Variants in MTMR1 observed in about 807,000 individuals in gnomAD.
MTMR1 encodes phosphatidylinositol-3-phosphate phosphatase MTMR1.
A neutral mutation model predicts 51.6 loss-of-function variants in MTMR1; 17 were observed. The observed-to-expected ratio is 0.33, with a 90% CI of 0.23 to 0.49. The LOEUF is 0.49. MTMR1 is among the 20% of genes least tolerant of loss of function. MTMR1 has a pLI of 0.99. For synonymous variants in MTMR1, 201 were observed against 205.6 expected, an observed-to-expected ratio of 0.98 and a Z score of 0.19; for missense variants, 386 against 526.9, an observed-to-expected ratio of 0.73 and a Z score of 2.62.
At chrX:150,742,816 C>CAAAAAAAAAAAA (rs1159891625) in intron 12 of MTMR1, among the ~76,000 whole-genome samples, 4 of 21,617 alleles carry the variant, frequency 1.9e-4, no homozygotes, top group Non-Finnish European at 3.4e-4. Context: ...GACTCCATCT[C>CAAAAAAAAAAAA]AAAAAAAAAA....
chrX:150,721,635 A>G (rs186624050), intron 4 of MTMR1, among the ~76,000 whole-genome samples: 1 of 111,440 alleles, frequency 9.0e-6, no homozygotes, highest in East Asian at 2.8e-4. Flanking sequence ...CATTTCTGAT[A>G]TTATTAATGT....
At chrX:150,723,896 C>A (rs1265823733) in intron 4 of MTMR1, among the ~76,000 whole-genome samples, 2 of 111,879 alleles carry the variant, frequency 1.8e-5, no homozygotes, top group Non-Finnish European at 3.8e-5. Flanking sequence ...ATCCATGTTC[C>A]TGCAGAGGAC....
intron 14 of MTMR1, among the ~76,000 whole-genome samples, chrX:150,751,491 C>T (rs782597664): frequency 3.6e-5 from 4 of 111,193 alleles, no homozygotes; most frequent in Admixed American, 9.5e-5. Context: ...CAGTAACGCC[C>T]GCCTCCCCCT....
intron 13 of MTMR1, among the ~76,000 whole-genome samples, chrX:150,748,037 C>G (rs1278054984): frequency 1.8e-5 from 2 of 111,690 alleles, no homozygotes; most frequent in Admixed American, 9.5e-5. Context: ...GGGCTTGCTT[C>G]CTGGTTCATA....
intron 14 of MTMR1, 23 bp from the exon 15 acceptor site, chrX:150,755,666 C>T (rs1557417721): frequency 1.8e-6 from 2 of 1,109,105 alleles, no homozygotes; most frequent in Non-Finnish European, 1.2e-6. Context: ...AGTTTATTTC[C>T]AATGTTCTTT....
Position 150,727,795 on chromosome X carries a change from T to C in MTMR1, c.555+4T>C, listed in dbSNP as rs782593528. On this transcript the variant is annotated splice_donor_region_variant and intron_variant, in intron 6 of 15. Coordinates refer to ENST00000445323, the MANE Select transcript of MTMR1 (RefSeq NM_001306144.3). ...TGGTATAGAGATAGTGTGCAAGGTATAATAGAAACGCCAAGTGAAAACTAA... is the reference window on the plus strand; with the variant it reads ...TGGTATAGAGATAGTGTGCAAGGTACAATAGAAACGCCAAGTGAAAACTAA... The C allele has an allele frequency of 8.5e-7, 1 of 1,177,208 alleles. No homozygotes were observed.
At chrX:150,742,172 G>C (rs1050064243) in intron 12 of MTMR1, among the ~76,000 whole-genome samples, 1 of 111,959 alleles carries the variant, frequency 8.9e-6, no homozygotes, top group Admixed American at 9.4e-5. Flanking sequence ...TAATTGTGTG[G>C]ACATCATAGA....
chrX:150,734,444 CAGTG>C (rs1169874012), intron 10 of MTMR1, among the ~76,000 whole-genome samples: 3 of 112,768 alleles, frequency 2.7e-5, no homozygotes, highest in Non-Finnish European at 5.6e-5. Flanking sequence ...AGGCATCCCT[CAGTG>C]AGGCCCCCTT....
intron 15 of MTMR1, among the ~76,000 whole-genome samples, chrX:150,760,309 A>AGAGGG (rs1266781942): frequency 3.2e-5 from 3 of 92,809 alleles, no homozygotes; most frequent in Non-Finnish European, 7.0e-5. Context: ...AAGGAGGAAG[A>AGAGGG]GAGGGGAGGG....
Position 150,730,141 on chromosome X carries a change from G to A in MTMR1, c.588G>A (p.Gln196=), listed in dbSNP as rs782204595. 5.0e-6 allele frequency: 6 copies of A among 1,202,485 alleles called. No homozygotes were observed. The highest frequency in any genetic ancestry group is 6.7e-6 in the Non-Finnish European group (6 of 892,012). Residue 196 remains glutamine (Q), a synonymous_variant, in exon 7 of 16, where the codon CAG becomes CAA. Coordinates refer to ENST00000445323, the MANE Select transcript of MTMR1 (RefSeq NM_001306144.3). ...GGAACTTGCGGCTTGCTTATAAACA[G>A]GAAGAACAGAGTAAACTAGGGATAT... is the stretch of plus-strand genomic sequence containing the variant. ...DMRNLRLAYK[Q]EEQSKLGIFE... is the part of the protein sequence containing the mutation.
intron 12 of MTMR1, among the ~76,000 whole-genome samples, chrX:150,743,836 ACC>A (rs2042503538): frequency 8.9e-6 from 1 of 112,600 alleles, no homozygotes; most frequent in Admixed American, 9.4e-5. Flanking sequence ...TTAAGCAAGG[ACC>A]CCACCTTTAC....
intron 14 of MTMR1, among the ~76,000 whole-genome samples, chrX:150,754,502 C>T (rs2042844860): frequency 8.9e-6 from 1 of 112,464 alleles, no homozygotes; most frequent in South Asian, 3.6e-4. Flanking sequence ...TTACCTGCCT[C>T]ACCATGCCTG....
chrX:150,709,786 C>T (rs782729667), intron 2 of MTMR1, among the ~76,000 whole-genome samples: 1 of 111,315 alleles, frequency 9.0e-6, no homozygotes, highest in Non-Finnish European at 1.9e-5. Context: ...AGCTCAAAGA[C>T]AGCGCCCAGC....
chrX:150,718,278 A>G (rs1557416463), intron 3 of MTMR1, among the ~76,000 whole-genome samples: 2 of 112,416 alleles, frequency 1.8e-5, no homozygotes, highest in African/African-American at 6.5e-5. Flanking sequence ...TCAGAAGGTA[A>G]CCTTTTTCTG....
chrX:150,749,015 C>A lies in MTMR1; in HGVS notation c.1567-1715C>A, dbSNP rs1200058748. ...TTTAGTTCATCTAAGAACAAGGGTG[C>A]CAGTAAGAACCACCAGAATTAGTTT... is the stretch of plus-strand genomic sequence containing the variant. On this transcript the variant is annotated intron_variant, in intron 13 of 15. Transcript: ENST00000445323. Among the ~76,000 whole-genome samples the A allele has an allele frequency of 2.7e-5, 3 of 112,198 alleles. No individual in the cohort carries two copies. The East Asian group carries it at 8.4e-4, about 31-fold the overall frequency.
chrX:150,711,695 G>A (rs947742347), intron 2 of MTMR1, among the ~76,000 whole-genome samples: 4 of 112,339 alleles, frequency 3.6e-5, no homozygotes, highest in African/African-American at 1.3e-4. Flanking sequence ...CTCTTCCCGC[G>A]TGGAGCCCCC....
intron 7 of MTMR1, 80 bp from the exon 8 acceptor site, chrX:150,730,445 T>A (rs1227030825): frequency 1.4e-6 from 1 of 689,931 alleles, no homozygotes; most frequent in Admixed American, 3.4e-5. Context: ...TCAGCTCATA[T>A]TAGAATGAAA....
intron 4 of MTMR1, 69 bp downstream of exon 4, chrX:150,718,769 A>G: frequency 9.3e-7 from 1 of 1,070,174 alleles, no homozygotes; most frequent in Non-Finnish European, 1.3e-6. Context: ...TTGCAAGTGG[A>G]GGTGATGTAT....
intron 1 of MTMR1, among the ~76,000 whole-genome samples, chrX:150,695,775 G>A (rs782755427): frequency 4.5e-5 from 5 of 111,810 alleles, no homozygotes; most frequent in African/African-American, 1.6e-4. Context: ...GGAGTCATGG[G>A]CTTATAGATG....
Sources: gnomAD v4.1 joint callset for allele counts (sites outside exome capture counted in the v4.1 genomes callset) on GRCh38, gnomAD v4.1.1 for gene constraint, MANE v1.5 for transcripts, NCBI Gene and HGNC (gene_info 2026-07-23, HGNC 2026-07-21) for gene names.